The following CAMK1D variants were observed in gnomAD, a reference collection of about 807,000 sequenced individuals.
The protein encoded by CAMK1D is calcium/calmodulin dependent protein kinase ID, also known as calcium/calmodulin-dependent protein kinase type 1D.
In CAMK1D, 9 loss-of-function variants were observed where a neutral mutation model predicts 47.7. That is an observed-to-expected ratio of 0.19 (90% CI 0.11 to 0.33). The LOEUF (loss-of-function observed/expected upper bound fraction) is 0.33. Among genes scored for constraint, CAMK1D ranks in the 10% least tolerant of loss-of-function variants. The probability of loss-of-function intolerance (pLI) is 1.00; values close to 1 mark genes in which losing one functional copy is unlikely to be tolerated. For missense variants in CAMK1D, 291 were observed against 488.7 expected (o/e 0.60, Z 3.81); for synonymous variants, 184 against 184.9 (o/e 0.99, Z 0.04).
intron 1 of CAMK1D, among the ~76,000 whole-genome samples, chr10:12,370,418 A>C (rs1312065454): frequency 6.6e-6 from 1 of 152,156 alleles, no homozygotes; most frequent in Admixed American, 6.6e-5. Flanking sequence ...ATTAAAAAAA[A>C]AGTCAACGGT....
chr10:12,567,370 G>A (rs1267976461), intron 2 of CAMK1D, among the ~76,000 whole-genome samples: 2 of 152,168 alleles, frequency 1.3e-5, no homozygotes, highest in Non-Finnish European at 2.9e-5. Context: ...ACAACAGAGC[G>A]AGTCTGGGGG....
chr10:12,374,826 C>T (rs1261223888), intron 1 of CAMK1D, among the ~76,000 whole-genome samples: 2 of 151,322 alleles, frequency 1.3e-5, no homozygotes, highest in Admixed American at 1.3e-4. Flanking sequence ...GCTTGTAATC[C>T]CAGCTACTTG....
intron 2 of CAMK1D, among the ~76,000 whole-genome samples, chr10:12,665,057 T>C (rs1840385756): frequency 6.6e-6 from 1 of 152,206 alleles, no homozygotes; most frequent in African/African-American, 2.4e-5. Context: ...CAAGTTAAGC[T>C]CTCTTGGTTT....
intron 3 of CAMK1D, among the ~76,000 whole-genome samples, chr10:12,677,488 C>A (rs1217648149): frequency 6.6e-6 from 1 of 152,058 alleles, no homozygotes; most frequent in Non-Finnish European, 1.5e-5. Context: ...AGTAGTGCTC[C>A]TTATAGAGAG....
intron 1 of CAMK1D, among the ~76,000 whole-genome samples, chr10:12,459,117 G>T (rs991342355): frequency 1.3e-5 from 2 of 152,070 alleles, no homozygotes; most frequent in Non-Finnish European, 2.9e-5. Flanking sequence ...GACCTCAGGC[G>T]ATCCACCTGC....
chr10:12,391,074 C>T (rs899570255), intron 1 of CAMK1D, among the ~76,000 whole-genome samples: 1 of 152,074 alleles, frequency 6.6e-6, no homozygotes, highest in African/African-American at 2.4e-5. Flanking sequence ...TGTCTTCTCT[C>T]GTGAATGAGG....
At chr10:12,818,748 A>G (rs2161365) in intron 8 of CAMK1D, among the ~76,000 whole-genome samples, 78,689 of 151,860 alleles carry the variant, frequency 0.52, 20,653 homozygotes, top group East Asian at 0.71. Flanking sequence ...ATTCCAGCCA[A>G]AACTATCTGA....
chr10:12,650,208 C>T (rs1260737189), intron 2 of CAMK1D, among the ~76,000 whole-genome samples: 1 of 152,240 alleles, frequency 6.6e-6, no homozygotes, highest in African/African-American at 2.4e-5. Flanking sequence ...GTGGTTCCCT[C>T]TCTCTGACAT....
intron 2 of CAMK1D, among the ~76,000 whole-genome samples, chr10:12,622,343 G>C (rs372616400): frequency 1.6e-4 from 24 of 152,076 alleles, no homozygotes; most frequent in East Asian, 1.9e-4. Flanking sequence ...AGGCTTTTGT[G>C]GGGGGCTGTT....
In CAMK1D at chr10:12,491,174, C is replaced by T. The variant is rs570207271; in HGVS notation, c.93-62051C>T. ...ATGTGTGTGTGTGTGTGTGTGTCTG[C>T]GTGCATGTGTGTGCAGGTGTTTGAA... is the stretch of plus-strand genomic sequence containing the variant. On this transcript the variant is annotated intron_variant, in intron 1 of 10. Coordinates refer to ENST00000619168, the MANE Select transcript of CAMK1D (RefSeq NM_153498.4). Among the ~76,000 whole-genome samples the T allele has an allele frequency of 5.5e-4, 77 of 139,950 alleles. 1 individual carries two copies. The highest frequency in any genetic ancestry group is 1.0e-3 in the Non-Finnish European group (65 of 63,074). The allele number at this position is 139,950 out of a possible 152,430, so 91.8% of individuals were successfully genotyped here. A position where few individuals can be genotyped will look rare whatever the true frequency, so the allele number is the denominator to read the frequency against.
chr10:12,649,673 C>CA lies in CAMK1D; in HGVS notation c.225-17054dup, dbSNP rs200305173. On this transcript the variant is annotated intron_variant, in intron 2 of 10. Coordinates refer to ENST00000619168, the MANE Select transcript of CAMK1D (RefSeq NM_153498.4). Reference sequence around the variant, plus strand: ...TGGCAGTCCCCCTTTTCTTTAGAAACAAAAAAAAATGTTGGTGAAAAGAAT... The same window carrying CA: ...TGGCAGTCCCCCTTTTCTTTAGAAACAAAAAAAAAATGTTGGTGAAAAGAAT... 3.3e-4 allele frequency among the ~76,000 whole-genome samples: 50 copies of CA among 150,444 alleles called. No homozygotes were observed. The East Asian group carries it at 3.5e-3, about 11-fold the overall frequency.
intron 8 of CAMK1D, among the ~76,000 whole-genome samples, chr10:12,821,067 C>A (rs1336741366): frequency 6.6e-6 from 1 of 152,138 alleles, no homozygotes; most frequent in Non-Finnish European, 1.5e-5. Flanking sequence ...TTGTGGGGAC[C>A]GGCAAATCAA....
At chr10:12,761,539 G>A (rs1836507988) in intron 4 of CAMK1D, among the ~76,000 whole-genome samples, 2 of 152,036 alleles carry the variant, frequency 1.3e-5, no homozygotes, top group South Asian at 4.1e-4. Context: ...GGAAACAGAA[G>A]GTAAGCAGAT....
At chr10:12,628,953 T>A (rs1839302372) in intron 2 of CAMK1D, among the ~76,000 whole-genome samples, 1 of 152,232 alleles carries the variant, frequency 6.6e-6, no homozygotes, top group South Asian at 2.1e-4. Flanking sequence ...AGCTTATTTC[T>A]TTTTAGCACT....
chr10:12,811,725 A>G (rs889226337), intron 6 of CAMK1D, among the ~76,000 whole-genome samples: 3 of 152,252 alleles, frequency 2.0e-5, no homozygotes, highest in African/African-American at 7.2e-5. Flanking sequence ...AAAAACACAC[A>G]CGGTTGTAAA....
chr10:12,678,271 T>C (rs897994131), intron 3 of CAMK1D, among the ~76,000 whole-genome samples: 8 of 152,248 alleles, frequency 5.3e-5, no homozygotes, highest in Non-Finnish European at 1.2e-4. Context: ...AATAGTATGT[T>C]AATTTCTGTC....
intron 2 of CAMK1D, among the ~76,000 whole-genome samples, chr10:12,554,250 T>A (rs1836689417): frequency 1.4e-5 from 1 of 72,806 alleles, no homozygotes; most frequent in Non-Finnish European, 4.0e-5. Context: ...TTCCACCTCC[T>A]GGCTTCAAGC....
At chr10:12,773,576 A>T (rs1023429521) in intron 5 of CAMK1D, among the ~76,000 whole-genome samples, 3 of 152,172 alleles carry the variant, frequency 2.0e-5, no homozygotes, top group Admixed American at 6.5e-5. Flanking sequence ...TACAAGGGCC[A>T]AGTGTACAAT....
chr10:12,769,485 T>C (rs1212054514), intron 4 of CAMK1D, among the ~76,000 whole-genome samples, 188 bp from the exon 5 acceptor site: 2 of 152,222 alleles, frequency 1.3e-5, no homozygotes, highest in African/African-American at 4.8e-5. Flanking sequence ...AGCCTGTGTG[T>C]GCCAGACACA....
Sources: gnomAD v4.1 joint callset for allele counts (sites outside exome capture counted in the v4.1 genomes callset) on GRCh38, gnomAD v4.1.1 for gene constraint, MANE v1.5 for transcripts, NCBI Gene and HGNC (gene_info 2026-07-23, HGNC 2026-07-21) for gene names.